AGPS: variants seen among roughly 807,000 people sequenced by gnomAD.
The protein encoded by AGPS is alkyldihydroxyacetonephosphate synthase, peroxisomal.
AGPS carries 26 observed loss-of-function variants against 90.7 expected under a neutral mutation model. The observed-to-expected ratio is 0.29, with a 90% confidence interval of 0.21 to 0.40. The LOEUF is 0.40. AGPS is among the 10% of genes least tolerant of loss of function. The probability of loss-of-function intolerance (pLI) is 1.00; values close to 1 mark genes in which losing one functional copy is unlikely to be tolerated. For missense variants in AGPS, 540 were observed against 816.1 expected, an observed-to-expected ratio of 0.66 and a Z score of 4.12; for synonymous variants, 294 against 285.3, an observed-to-expected ratio of 1.03 and a Z score of -0.31.
rs1385147876 is a variant in AGPS, at chr2:177,436,859, A to G, written c.537A>G (p.Ala179=). ...KETNISYSQE[A]DDRVFRAHGH... ...CTAATATTTCATATTCACAAGAGGCAGATGATCGAGTATTTAGAGCTCATG... is the reference window on the plus strand; with the variant it reads ...CTAATATTTCATATTCACAAGAGGCGGATGATCGAGTATTTAGAGCTCATG... The change falls in exon 4 of 20, where the codon GCA becomes GCG. Residue 179 remains alanine (A), a synonymous_variant. Transcript: ENST00000264167. 6.2e-7 allele frequency: 1 copy of G among 1,612,870 alleles called. No individual in the cohort carries two copies. Among genetic ancestry groups the G allele is most frequent in the Non-Finnish European group, 8.5e-7 (1 of 1,179,098 alleles).
At chr2:177,398,107 C>T (rs1456219092) in intron 1 of AGPS, among the ~76,000 whole-genome samples, 3 of 152,188 alleles carry the variant, frequency 2.0e-5, no homozygotes, top group Non-Finnish European at 4.4e-5. Flanking sequence ...AGAAGGAATA[C>T]AGCTGAGTTA....
chr2:177,411,823 AG>A (rs1308574020), intron 1 of AGPS, among the ~76,000 whole-genome samples: 1 of 152,174 alleles, frequency 6.6e-6, no homozygotes, highest in Non-Finnish European at 1.5e-5. Flanking sequence ...GTAGACCCAT[AG>A]TACTGGGTCA....
intron 16 of AGPS, among the ~76,000 whole-genome samples, chr2:177,508,607 G>A (rs961843524): frequency 6.6e-6 from 1 of 152,034 alleles, no homozygotes; most frequent in Admixed American, 6.5e-5. Context: ...TTTCTTTACT[G>A]GAAATACATA....
At chr2:177,400,346 C>T (rs1685298780) in intron 1 of AGPS, among the ~76,000 whole-genome samples, 1 of 152,114 alleles carries the variant, frequency 6.6e-6, no homozygotes, top group South Asian at 2.1e-4. Flanking sequence ...ATTTGAGTTA[C>T]AAGTCAGTCA....
intron 2 of AGPS, among the ~76,000 whole-genome samples, chr2:177,420,795 A>C (rs1685921301): frequency 6.6e-6 from 1 of 151,880 alleles, no homozygotes; most frequent in East Asian, 1.9e-4. Context: ...GTAGCTTCAT[A>C]TTTAAATCTG....
At chr2:177,497,137 A>G (rs1023445525) in intron 12 of AGPS, among the ~76,000 whole-genome samples, 5 of 152,168 alleles carry the variant, frequency 3.3e-5, no homozygotes, top group African/African-American at 1.2e-4. Flanking sequence ...TTGAGACTCC[A>G]TTTATGTTAT....
At chr2:177,442,318 C>A in intron 6 of AGPS, 89 bp from the exon 7 acceptor site, 1 of 1,005,634 alleles carries the variant, frequency 9.9e-7, no homozygotes, top group South Asian at 1.3e-5. Flanking sequence ...GTGGCCCTAT[C>A]TGTATACTTG....
chr2:177,439,619 A>G (rs555076089), intron 5 of AGPS, among the ~76,000 whole-genome samples: 2 of 152,326 alleles, frequency 1.3e-5, no homozygotes, highest in South Asian at 4.1e-4. Flanking sequence ...AGCTTTACAC[A>G]AACCTTAGAA....
chr2:177,509,699 A>G (rs1286652157), intron 16 of AGPS, among the ~76,000 whole-genome samples: 1 of 151,018 alleles, frequency 6.6e-6, no homozygotes, highest in East Asian at 1.9e-4. Context: ...TTTGGCAGCT[A>G]TTCATAGTGG....
intron 1 of AGPS, among the ~76,000 whole-genome samples, chr2:177,406,138 C>T (rs867594084): frequency 1.3e-5 from 2 of 152,178 alleles, no homozygotes; most frequent in South Asian, 4.1e-4. Context: ...TATCGACTCT[C>T]AAGACACTTT....
chr2:177,395,637 A>G (rs567909740), intron 1 of AGPS, among the ~76,000 whole-genome samples: 3 of 152,370 alleles, frequency 2.0e-5, no homozygotes, highest in South Asian at 2.1e-4. Context: ...GGGAAGATAA[A>G]TGATAGAGGA....
At chr2:177,408,421 A>C (rs1685522268) in intron 1 of AGPS, among the ~76,000 whole-genome samples, 1 of 152,242 alleles carries the variant, frequency 6.6e-6, no homozygotes, top group Non-Finnish European at 1.5e-5. Flanking sequence ...ACATACATGA[A>C]CTAGGCAAAT....
intron 2 of AGPS, 142 bp downstream of exon 2, chr2:177,420,500 G>A (rs1368771960): frequency 1.5e-6 from 1 of 659,714 alleles, no homozygotes; most frequent in Non-Finnish European, 2.7e-6. Flanking sequence ...TTTGTCTCCT[G>A]GTAATATTTC....
At chr2:177,484,324 T>TC (rs1219269577) in intron 11 of AGPS, among the ~76,000 whole-genome samples, 1 of 151,922 alleles carries the variant, frequency 6.6e-6, no homozygotes, top group African/African-American at 2.4e-5. Flanking sequence ...GCTTCACTAT[T>TC]CCCCCCACAA....
rs1328249075 is a variant in AGPS, at chr2:177,540,031, G to GTATATAGA, written c.*1842_*1843insGATATATA. 1 of 127,592 alleles carries GTATATAGA rather than the reference G, an allele frequency of 7.8e-6. No homozygotes were observed. The highest frequency in any genetic ancestry group is 2.9e-5 in the African/African-American group (1 of 34,890). 7.9% of individuals were successfully genotyped at this position (127,592 alleles called of 1,614,324 possible). On this transcript the variant is annotated 3_prime_UTR_variant, in exon 20 of 20. Coordinates refer to ENST00000264167, the MANE Select transcript of AGPS (RefSeq NM_003659.4). The stretch of plus-strand genomic sequence containing the variant: ...TTAAGGTACTAATGTCTCACTGGAA[G>GTATATAGA]TATATATATATATATATATATATGT...
At chr2:177,501,902 G>A (rs938020189) in intron 14 of AGPS, among the ~76,000 whole-genome samples, 43 of 152,170 alleles carry the variant, frequency 2.8e-4, no homozygotes, top group African/African-American at 9.6e-4. Flanking sequence ...TCCTGACCTC[G>A]TGGTCCACCC....
rs765703978 is a variant in AGPS at position 177,445,523 on chromosome 2, A to C, written c.790-23A>C. 1.9e-6 allele frequency: 3 copies of C among 1,590,406 alleles called. No homozygotes were observed. In the Admixed American group the frequency reaches 5.0e-5, roughly 27 times the overall value. On this transcript the variant is annotated intron_variant, in intron 7 of 19. Transcript: ENST00000264167. Reference sequence around the variant, plus strand: ...AATATTAGTAGTTCCTGGAGATCAGATTTCTTTCTTCCTTTGCAACAGAAT... The same window carrying C: ...AATATTAGTAGTTCCTGGAGATCAGCTTTCTTTCTTCCTTTGCAACAGAAT...
At chr2:177,430,085 C>T (rs1686195350) in intron 2 of AGPS, among the ~76,000 whole-genome samples, 2 of 152,224 alleles carry the variant, frequency 1.3e-5, no homozygotes. Flanking sequence ...TCTGGCATAG[C>T]AGCTGTGTTG....
chr2:177,465,461 A>G lies in AGPS; in HGVS notation c.997-2955A>G, dbSNP rs190907759. Among the ~76,000 whole-genome samples the G allele has an allele frequency of 2.6e-5, 4 of 152,324 alleles. No homozygotes were observed. The East Asian group carries it at 5.8e-4, about 22-fold the overall frequency. On this transcript the variant is annotated intron_variant, in intron 9 of 19. Transcript: ENST00000264167. ...TTGCTTGGGCCCACTGGGCTTGTTC[A>G]GCCCACTCGGCCTGGCAGGCTGTGC...
Sources: gnomAD v4.1 joint callset for allele counts (sites outside exome capture counted in the v4.1 genomes callset) on GRCh38, gnomAD v4.1.1 for gene constraint, MANE v1.5 for transcripts, NCBI Gene and HGNC (gene_info 2026-07-23, HGNC 2026-07-21) for gene names.